Variants in CDKAL1 observed in about 807,000 individuals in gnomAD.
CDKAL1 encodes threonylcarbamoyladenosine tRNA methylthiotransferase.
A neutral mutation model predicts 68.2 loss-of-function variants in CDKAL1; 32 were observed. The observed-to-expected ratio is 0.47, with a 90% CI of 0.35 to 0.63. CDKAL1 has a LOEUF of 0.63. Among genes scored for constraint, CDKAL1 ranks in the 30% least tolerant of loss-of-function variants. The pLI, the probability that CDKAL1 is intolerant of heterozygous loss-of-function variation, is 0.00. For synonymous variants in CDKAL1, 234 were observed against 244.3 expected, an observed-to-expected ratio of 0.96 and a Z score of 0.39; for missense variants, 606 against 696.7, an observed-to-expected ratio of 0.87 and a Z score of 1.47.
At chr6:21,091,942 AGTGGCGTGATCTC>A (rs1773037918) in intron 12 of CDKAL1, among the ~76,000 whole-genome samples, 1 of 127,944 alleles carries the variant, frequency 7.8e-6, no homozygotes, top group African/African-American at 3.0e-5. Flanking sequence ...GCTGGAGTGC[AGTGGCGTGATCTC>A]GGCTCACTGC....
intron 9 of CDKAL1, among the ~76,000 whole-genome samples, chr6:20,927,681 G>A (rs1412048318): frequency 6.6e-6 from 1 of 152,150 alleles, no homozygotes; most frequent in African/African-American, 2.4e-5. Context: ...TTCTAAAACA[G>A]GAATGTGCTT....
At chr6:20,598,235 T>C (rs1765925839) in intron 4 of CDKAL1, among the ~76,000 whole-genome samples, 1 of 152,244 alleles carries the variant, frequency 6.6e-6, no homozygotes, top group Admixed American at 6.5e-5. Context: ...CCTTACATTC[T>C]TATATTTGTG....
chr6:21,068,967 T>C (rs778266494), intron 12 of CDKAL1, among the ~76,000 whole-genome samples: 9 of 152,206 alleles, frequency 5.9e-5, no homozygotes, highest in Non-Finnish European at 8.8e-5. Flanking sequence ...ATTGATACTA[T>C]TGAAATGATT....
At chr6:20,997,884 CA>C (rs926635269) in intron 10 of CDKAL1, among the ~76,000 whole-genome samples, 1 of 151,182 alleles carries the variant, frequency 6.6e-6, no homozygotes, top group African/African-American at 2.4e-5. Context: ...AAATACTTAC[CA>C]AAAGAAAAAA....
chr6:20,812,267 T>G (rs1776853073), intron 8 of CDKAL1, among the ~76,000 whole-genome samples: 1 of 152,180 alleles, frequency 6.6e-6, no homozygotes, highest in Non-Finnish European at 1.5e-5. Flanking sequence ...TTGTTTTTGT[T>G]TTAATTTTTA....
At chr6:21,021,498 GAAA>G (rs995649090) in intron 11 of CDKAL1, among the ~76,000 whole-genome samples, 1 of 151,134 alleles carries the variant, frequency 6.6e-6, no homozygotes, top group African/African-American at 2.4e-5. Context: ...AAATATGAAG[GAAA>G]AAAAACATTG....
chr6:20,776,811 G>A (rs918900775), intron 7 of CDKAL1, among the ~76,000 whole-genome samples: 9 of 152,172 alleles, frequency 5.9e-5, no homozygotes, highest in African/African-American at 2.2e-4. Context: ...GATAAAAACA[G>A]TGTAAGTCTG....
intron 15 of CDKAL1, among the ~76,000 whole-genome samples, chr6:21,222,930 C>G (rs73389907): frequency 0.071 from 10,832 of 152,078 alleles, 1,090 homozygotes; most frequent in African/African-American, 0.23. Flanking sequence ...GTGAGCGCAT[C>G]AAGTGTGTGT....
chr6:21,173,529 TGAGAA>T (rs1449529084), intron 13 of CDKAL1, among the ~76,000 whole-genome samples: 1 of 152,232 alleles, frequency 6.6e-6, no homozygotes, highest in Admixed American at 6.5e-5. Flanking sequence ...CACTCATTGA[TGAGAA>T]GAGAAGCTTG....
intron 4 of CDKAL1, among the ~76,000 whole-genome samples, chr6:20,551,606 G>A (rs1269483567): frequency 2.0e-5 from 3 of 152,002 alleles, no homozygotes; most frequent in Middle Eastern, 3.4e-3. Context: ...CCTTGACCTC[G>A]TGATCCACCC....
At chr6:20,940,336 T>G (rs1763910202) in intron 9 of CDKAL1, among the ~76,000 whole-genome samples, 1 of 152,208 alleles carries the variant, frequency 6.6e-6, no homozygotes, top group Non-Finnish European at 1.5e-5. Context: ...ATATTTCTAT[T>G]ATGTGAATTA....
intron 9 of CDKAL1, among the ~76,000 whole-genome samples, chr6:20,911,684 T>G (rs1323055023): frequency 6.6e-6 from 1 of 152,234 alleles, no homozygotes; most frequent in Non-Finnish European, 1.5e-5. Context: ...ACAGTTTCCC[T>G]AAAAGATTGC....
chr6:21,014,155 A>G (rs1296952555), intron 11 of CDKAL1, among the ~76,000 whole-genome samples: 1 of 152,204 alleles, frequency 6.6e-6, no homozygotes, highest in Non-Finnish European at 1.5e-5. Context: ...TATCTCACTG[A>G]TTAGAACATA....
Position 20,546,334 on chromosome 6 carries a change from T to G in CDKAL1, c.-5-12T>G. 1 of 1,577,870 alleles carries G rather than the reference T, an allele frequency of 6.3e-7. No individual in the cohort carries two copies. Among genetic ancestry groups the G allele is most frequent in the Non-Finnish European group, 8.6e-7 (1 of 1,158,362 alleles). ...TCATAAGTTGATTTTATTTATAACTTTTATGTGGTAGAGAATATGCCTTCT... is the reference window on the plus strand; with the variant it reads ...TCATAAGTTGATTTTATTTATAACTGTTATGTGGTAGAGAATATGCCTTCT... On this transcript the variant is annotated splice_polypyrimidine_tract_variant and intron_variant, in intron 2 of 15. Coordinates refer to ENST00000274695, the MANE Select transcript of CDKAL1 (RefSeq NM_017774.3).
At chr6:20,780,089 A>C (rs1469186236) in intron 7 of CDKAL1, among the ~76,000 whole-genome samples, 1 of 149,926 alleles carries the variant, frequency 6.7e-6, no homozygotes, top group Non-Finnish European at 1.5e-5. Context: ...TCTCTTAAAA[A>C]ACCTAACCTT....
chr6:21,103,305 A>C (rs1208307610), intron 12 of CDKAL1, among the ~76,000 whole-genome samples: 2 of 152,124 alleles, frequency 1.3e-5, no homozygotes, highest in Admixed American at 6.5e-5. Flanking sequence ...TTCAGAACTG[A>C]GCTCTGTTGC....
In CDKAL1 at chr6:21,217,718, G is replaced by A. The variant is rs113571753; in HGVS notation, c.1549-13130G>A. 1.8e-3 allele frequency among the ~76,000 whole-genome samples: 277 copies of A among 152,132 alleles called. 5 individuals carry two copies. The highest frequency in any genetic ancestry group is 6.0e-3 in the African/African-American group (249 of 41,522). Reference sequence around the variant, plus strand: ...TTGCCATGTTGGCCACACTGGTCTCGAACTCCTGACCTCAAGTGATCCACC... The same window carrying A: ...TTGCCATGTTGGCCACACTGGTCTCAAACTCCTGACCTCAAGTGATCCACC... On this transcript the variant is annotated intron_variant, in intron 15 of 15. Coordinates refer to ENST00000274695, the MANE Select transcript of CDKAL1 (RefSeq NM_017774.3).
At chr6:20,999,579 G>A (rs1767308051) in intron 10 of CDKAL1, among the ~76,000 whole-genome samples, 1 of 149,654 alleles carries the variant, frequency 6.7e-6, no homozygotes, top group African/African-American at 2.5e-5. Context: ...AAGTTAGTAG[G>A]TGCCCAGTGG....
chr6:21,200,154 A>T (rs1055739790), intron 14 of CDKAL1, among the ~76,000 whole-genome samples: 17 of 152,250 alleles, frequency 1.1e-4, no homozygotes, highest in Non-Finnish European at 1.5e-5. Context: ...GTGCTAAAAT[A>T]GAAGTGTAAG....
Sources: gnomAD v4.1 joint callset for allele counts (sites outside exome capture counted in the v4.1 genomes callset) on GRCh38, gnomAD v4.1.1 for gene constraint, MANE v1.5 for transcripts, NCBI Gene and HGNC (gene_info 2026-07-23, HGNC 2026-07-21) for gene names.